Variants in ATP9A observed in about 807,000 individuals in gnomAD.
ATP9A encodes the protein ATPase phospholipid transporting 9A, also known as probable phospholipid-transporting ATPase IIA.
A neutral mutation model predicts 144.1 loss-of-function variants in ATP9A; 52 were observed. The observed-to-expected ratio is 0.36, with a 90% CI of 0.29 to 0.45. The LOEUF is 0.45. ATP9A is among the 20% of genes least tolerant of loss of function. The pLI is 1.00. For synonymous variants in ATP9A, 582 were observed against 557.4 expected (o/e 1.04, Z -0.62); for missense variants, 947 against 1,392.7 (o/e 0.68, Z 5.09).
At chr20:51,736,479 T>G (rs1304235304) in intron 1 of ATP9A, among the ~76,000 whole-genome samples, 1 of 151,572 alleles carries the variant, frequency 6.6e-6, no homozygotes, top group African/African-American at 2.4e-5. Flanking sequence ...GTTCTCACAT[T>G]GTAGTTACTC....
intron 13 of ATP9A, among the ~76,000 whole-genome samples, chr20:51,658,901 G>A (rs1391025158): frequency 1.5e-5 from 2 of 133,102 alleles, no homozygotes; most frequent in Non-Finnish European, 3.2e-5. Flanking sequence ...GGGGGGGGGG[G>A]GGAAGGCTCA....
intron 9 of ATP9A, among the ~76,000 whole-genome samples, chr20:51,680,780 G>C (rs534100879): frequency 1.3e-5 from 2 of 152,208 alleles, no homozygotes; most frequent in African/African-American, 4.8e-5. Context: ...GTTTACATTA[G>C]AATCAGAGGG....
At chr20:51,689,492 G>A (rs1280297094) in intron 8 of ATP9A, among the ~76,000 whole-genome samples, 1 of 152,014 alleles carries the variant, frequency 6.6e-6, no homozygotes. Context: ...AGAGAATGTG[G>A]ACAATGTAAT....
chr20:51,720,811 G>A (rs1239305336), intron 3 of ATP9A, among the ~76,000 whole-genome samples: 1 of 152,092 alleles, frequency 6.6e-6, no homozygotes, highest in Non-Finnish European at 1.5e-5. Context: ...TCCAATCTAG[G>A]CGACACAGCG....
At chr20:51,612,809 G>A (rs1475392595) in intron 23 of ATP9A, among the ~76,000 whole-genome samples, 2 of 152,116 alleles carry the variant, frequency 1.3e-5, no homozygotes, top group Non-Finnish European at 2.9e-5. Context: ...AAGCAAGATG[G>A]GAACAAGATG....
chr20:51,754,403 T>C (rs146902454), intron 1 of ATP9A, among the ~76,000 whole-genome samples: 4,469 of 152,010 alleles, frequency 0.029, 91 homozygotes, highest in Non-Finnish European at 0.04. Flanking sequence ...CGCAGGAGGC[T>C]GAGGCAGGAG....
intron 1 of ATP9A, among the ~76,000 whole-genome samples, chr20:51,762,639 AC>A (rs1481313043): frequency 6.6e-5 from 10 of 151,414 alleles, no homozygotes; most frequent in African/African-American, 9.7e-5. Flanking sequence ...AGCCTGGGTG[AC>A]AAGAGCGAGA....
chr20:51,706,099 A>C (rs1377709932), intron 4 of ATP9A, among the ~76,000 whole-genome samples: 1 of 152,252 alleles, frequency 6.6e-6, no homozygotes, highest in African/African-American at 2.4e-5. Flanking sequence ...TGAGGAGGCT[A>C]GATTGATAGG....
chr20:51,746,112 TA>T (rs1485885550), intron 1 of ATP9A, among the ~76,000 whole-genome samples: 2 of 152,052 alleles, frequency 1.3e-5, no homozygotes, highest in African/African-American at 4.8e-5. Context: ...CACTTATAAG[TA>T]GGAGCTAAGT....
chr20:51,627,875 G>A (rs2077255923), intron 16 of ATP9A, among the ~76,000 whole-genome samples, 192 bp from the exon 17 acceptor site: 1 of 152,192 alleles, frequency 6.6e-6, no homozygotes, highest in African/African-American at 2.4e-5. Context: ...GAGGCAGCCG[G>A]TGAGCCAAAC....
intron 4 of ATP9A, among the ~76,000 whole-genome samples, chr20:51,709,787 T>C (rs2077630092): frequency 6.6e-6 from 1 of 152,220 alleles, no homozygotes; most frequent in Non-Finnish European, 1.5e-5. Context: ...AAGGGCATAT[T>C]GGAATTCTCC....
At chr20:51,601,813 G>A (rs1052859046) in intron 27 of ATP9A, among the ~76,000 whole-genome samples, 1 of 152,124 alleles carries the variant, frequency 6.6e-6, no homozygotes, top group African/African-American at 2.4e-5. Context: ...GGCTGAGGTG[G>A]GAGGATCATC....
At chr20:51,737,881 G>A (rs2077768941) in intron 1 of ATP9A, among the ~76,000 whole-genome samples, 1 of 152,058 alleles carries the variant, frequency 6.6e-6, no homozygotes, top group Admixed American at 6.6e-5. Flanking sequence ...AGGTGTGGTG[G>A]CGCAGATCTA....
At chr20:51,687,247 C>T (rs977839863) in intron 9 of ATP9A, among the ~76,000 whole-genome samples, 1 of 152,028 alleles carries the variant, frequency 6.6e-6, no homozygotes, top group Non-Finnish European at 1.5e-5. Flanking sequence ...GCTCTTTAGT[C>T]ATCAGGGGGA....
intron 9 of ATP9A, among the ~76,000 whole-genome samples, chr20:51,684,301 T>C (rs1457998149): frequency 6.6e-6 from 1 of 152,224 alleles, no homozygotes; most frequent in Non-Finnish European, 1.5e-5. Context: ...AAAATATTAA[T>C]ATTCTTATGA....
At chr20:51,697,316 T>G in intron 5 of ATP9A, 108 bp downstream of exon 5, 1 of 1,082,236 alleles carries the variant, frequency 9.2e-7, no homozygotes, top group Admixed American at 2.3e-5. Flanking sequence ...GGCAAAGTTT[T>G]TGGATAGAAT....
intron 4 of ATP9A, among the ~76,000 whole-genome samples, chr20:51,705,979 C>T (rs1026064468): frequency 2.0e-5 from 3 of 152,190 alleles, no homozygotes; most frequent in Non-Finnish European, 4.4e-5. Context: ...CTAAGAACTG[C>T]TCTTAAGTCT....
intron 14 of ATP9A, among the ~76,000 whole-genome samples, chr20:51,643,756 TCTAA>T (rs1395853970): frequency 6.6e-6 from 1 of 152,180 alleles, no homozygotes; most frequent in Non-Finnish European, 1.5e-5. Flanking sequence ...ACTAAGACAC[TCTAA>T]CTTTCAATAT....
intron 4 of ATP9A, among the ~76,000 whole-genome samples, chr20:51,709,148 T>C (rs913124264): frequency 6.6e-6 from 1 of 152,210 alleles, no homozygotes; most frequent in Non-Finnish European, 1.5e-5. Context: ...CAAAAGGGAA[T>C]GTCTGCAACT....
Sources: gnomAD v4.1 joint callset for allele counts (sites outside exome capture counted in the v4.1 genomes callset) on GRCh38, gnomAD v4.1.1 for gene constraint, MANE v1.5 for transcripts, NCBI Gene and HGNC (gene_info 2026-07-23, HGNC 2026-07-21) for gene names.